The following PAX5 variants were observed in gnomAD, a reference collection of about 807,000 sequenced individuals.
PAX5 encodes paired box 5.
A neutral mutation model predicts 43.7 loss-of-function variants in PAX5; 9 were observed. The ratio of observed to expected loss-of-function variants is 0.21; its 90% CI spans 0.12 to 0.36. The LOEUF is 0.36. Ranked by LOEUF, PAX5 falls within the 10% of genes least tolerant of loss-of-function variation. PAX5 has a pLI of 1.00. For missense variants in PAX5, 383 were observed against 532.7 expected (o/e 0.72, Z 2.77); for synonymous variants, 228 against 214.3 (o/e 1.06, Z -0.56).
intron 7 of PAX5, among the ~76,000 whole-genome samples, chr9:36,911,457 G>A (rs1277940476): frequency 6.6e-6 from 1 of 152,154 alleles, no homozygotes; most frequent in African/African-American, 2.4e-5. Flanking sequence ...CACACGCCCG[G>A]CCCACAGAAC....
intron 6 of PAX5, among the ~76,000 whole-genome samples, chr9:36,936,850 GCACACACACA>G (rs3059895): frequency 1.4e-5 from 2 of 145,828 alleles, no homozygotes; most frequent in African/African-American, 2.6e-5. Flanking sequence ...ACACACACAT[GCACACACACA>G]CACACACACA....
At chr9:36,961,678 G>A (rs956405368) in intron 6 of PAX5, among the ~76,000 whole-genome samples, 2 of 152,250 alleles carry the variant, frequency 1.3e-5, no homozygotes, top group Admixed American at 6.5e-5. Flanking sequence ...GAGTAAATAC[G>A]GCAGGCTATG....
At chr9:36,939,659 A>G (rs1231102652) in intron 6 of PAX5, among the ~76,000 whole-genome samples, 1 of 152,218 alleles carries the variant, frequency 6.6e-6, no homozygotes, top group East Asian at 1.9e-4. Flanking sequence ...CCAGCTCCTG[A>G]CAGCCTGCTA....
At chr9:36,926,531 G>A (rs953246403) in intron 6 of PAX5, among the ~76,000 whole-genome samples, 18 of 152,236 alleles carry the variant, frequency 1.2e-4, no homozygotes, top group South Asian at 4.1e-4. Context: ...AGACTTGGTC[G>A]TGGCATTAGC....
chr9:36,978,685 A>C (rs1835655960), intron 5 of PAX5, among the ~76,000 whole-genome samples: 1 of 152,218 alleles, frequency 6.6e-6, no homozygotes, highest in South Asian at 2.1e-4. Context: ...TTCAGGAGAA[A>C]TCACTAAATT....
chr9:36,892,473 TATC>T (rs1466575251), intron 7 of PAX5, among the ~76,000 whole-genome samples: 2 of 152,238 alleles, frequency 1.3e-5, no homozygotes, highest in Admixed American at 6.5e-5. Context: ...CTCCAGGAGA[TATC>T]ATCAAGCTTT....
chr9:37,012,224 C>G (rs1297964527), intron 3 of PAX5, among the ~76,000 whole-genome samples: 1 of 152,176 alleles, frequency 6.6e-6, no homozygotes, highest in Non-Finnish European at 1.5e-5. Context: ...CTTGTCCTCC[C>G]TCTTGTCTCT....
intron 7 of PAX5, among the ~76,000 whole-genome samples, chr9:36,914,221 A>G (rs185529647): frequency 6.6e-6 from 1 of 152,332 alleles, no homozygotes; most frequent in East Asian, 1.9e-4. Flanking sequence ...TGAATCTAGA[A>G]CTGAACTTCA....
Position 36,836,254 on chromosome 9 carries a change from A to G in PAX5, c.*4306T>C. On this transcript the variant is annotated 3_prime_UTR_variant, in exon 10 of 10. Coordinates refer to ENST00000358127, the MANE Select transcript of PAX5 (RefSeq NM_016734.3). ...CGCCTCTGACCTTCCACCCAACTCC[A>G]TCTTCAAAGCGCAAGACTTGCAAGA... 1 of 233,440 alleles carries G rather than the reference A, an allele frequency of 4.3e-6. No homozygotes were observed. The highest frequency in any genetic ancestry group is 8.5e-6 in the Non-Finnish European group (1 of 118,200). 14.5% of individuals were successfully genotyped at this position (233,440 alleles called of 1,614,324 possible). A position where few individuals can be genotyped will look rare whatever the true frequency, so the allele number is the denominator to read the frequency against.
Position 37,026,659 on chromosome 9 carries a change from A to C in PAX5, c.47-5858T>G. ...CCCAGGGCGGATAGGGAGCCTCGCC[A>C]CCAGGCCAGGCACTGTGCGAGCTGG... On this transcript the variant is annotated intron_variant, in intron 1 of 9. Coordinates refer to ENST00000358127, the MANE Select transcript of PAX5 (RefSeq NM_016734.3). 2.2e-6 allele frequency: 3 copies of C among 1,348,572 alleles called. 1 individual carries two copies. In the Admixed American group the frequency reaches 6.7e-5, roughly 30 times the overall value. 83.5% of individuals were successfully genotyped at this position (1,348,572 alleles called of 1,614,324 possible).
chr9:36,931,776 G>A (rs563907227), intron 6 of PAX5, among the ~76,000 whole-genome samples: 2 of 151,454 alleles, frequency 1.3e-5, no homozygotes, highest in South Asian at 4.2e-4. Flanking sequence ...TTGAACCCAG[G>A]AGGCGGAGGC....
intron 8 of PAX5, among the ~76,000 whole-genome samples, chr9:36,866,244 C>G (rs190309929): frequency 6.6e-6 from 1 of 152,190 alleles, no homozygotes; most frequent in Non-Finnish European, 1.5e-5. Flanking sequence ...CAGTTGGGGT[C>G]GTGGTCAGAT....
chr9:36,862,425 G>A (rs1044891169), intron 8 of PAX5, among the ~76,000 whole-genome samples: 1 of 152,192 alleles, frequency 6.6e-6, no homozygotes, highest in Non-Finnish European at 1.5e-5. Context: ...GCGTTCTGGG[G>A]TGGGAATAGA....
intron 5 of PAX5, among the ~76,000 whole-genome samples, chr9:36,973,636 G>A (rs962760143): frequency 2.6e-5 from 4 of 152,192 alleles, no homozygotes; most frequent in Non-Finnish European, 5.9e-5. Flanking sequence ...GGAGGCTGAG[G>A]TGGGAGGATC....
At chr9:37,017,863 A>C (rs1218082642) in intron 2 of PAX5, among the ~76,000 whole-genome samples, 1 of 152,248 alleles carries the variant, frequency 6.6e-6, no homozygotes, top group Non-Finnish European at 1.5e-5. Context: ...CGAAAACCCC[A>C]ACTCGAAACT....
In PAX5 at chr9:36,882,805, G is replaced by C. The variant is rs1252763314; in HGVS notation, c.911-700C>G. ...GCCCTCAAGGCGTGCACACTCCCAT[G>C]GGCGAGTGTCCAGCTCTTTCAGGCT... is the stretch of plus-strand genomic sequence containing the variant. On this transcript the variant is annotated intron_variant, in intron 7 of 9. Transcript: ENST00000358127. This position sits in a 1 kb window ranked among gnomAD's most constrained non-coding sequence, Gnocchi z 4.4. 1.3e-5 allele frequency among the ~76,000 whole-genome samples: 2 copies of C among 152,236 alleles called. No homozygotes were observed. The highest frequency in any genetic ancestry group is 4.8e-5 in the African/African-American group (2 of 41,460).
In PAX5 at chr9:36,879,946, G is replaced by C. The variant is rs572607687; in HGVS notation, c.1012+2058C>G. On this transcript the variant is annotated intron_variant, in intron 8 of 9. Coordinates refer to ENST00000358127, the MANE Select transcript of PAX5 (RefSeq NM_016734.3). ...CCTTGCAGCAGACCAAAGTTTTGCA[G>C]GCAGGAACCTGGCAGGCCTCCCTGG... 4.4e-3 allele frequency among the ~76,000 whole-genome samples: 668 copies of C among 152,350 alleles called. 3 individuals are homozygous for C. The highest frequency in any genetic ancestry group is 8.2e-3 in the Non-Finnish European group (559 of 68,032).
At chr9:36,913,517 A>T (rs1829476516) in intron 7 of PAX5, among the ~76,000 whole-genome samples, 1 of 152,224 alleles carries the variant, frequency 6.6e-6, no homozygotes, top group African/African-American at 2.4e-5. Flanking sequence ...CTCCCCCATC[A>T]GCAGGCCTGT....
In PAX5 at chr9:36,917,206, C is replaced by T. The variant is rs570370089; in HGVS notation, c.910+6149G>A. Among the ~76,000 whole-genome samples, 133 of 152,302 alleles carry T rather than the reference C, an allele frequency of 8.7e-4. No homozygotes were observed. In the Middle Eastern group the frequency reaches 0.01, roughly 12 times the overall value. On this transcript the variant is annotated intron_variant, in intron 7 of 9. Transcript: ENST00000358127. ...CTTTAAAACTCAATGCATGCCCAGA[C>T]TTCCTGCTTGGGCCTAACAAAGAAG...
Sources: gnomAD v4.1 joint callset for allele counts (sites outside exome capture counted in the v4.1 genomes callset) on GRCh38, gnomAD v4.1.1 for gene constraint, Gnocchi (gnomAD v3.1) non-coding constraint, MANE v1.5 for transcripts, NCBI Gene and HGNC (gene_info 2026-07-23, HGNC 2026-07-21) for gene names.